The following ADAMTS12 variants were observed in gnomAD, a reference collection of about 807,000 sequenced individuals.
ADAMTS12 encodes the protein ADAM metallopeptidase with thrombospondin type 1 motif 12.
In ADAMTS12, 118 loss-of-function variants were observed where a neutral mutation model predicts 167.8. The observed-to-expected ratio is 0.70, with a 90% CI of 0.61 to 0.82. The LOEUF (loss-of-function observed/expected upper bound fraction) is 0.82, where lower values mean the gene tolerates loss of function less well. ADAMTS12 is among the 40% of genes least tolerant of loss of function. ADAMTS12 has a pLI of 0.00. For synonymous variants in ADAMTS12, 704 were observed against 716.9 expected, an observed-to-expected ratio of 0.98 and a Z score of 0.29; for missense variants, 1,916 against 1,998.8, an observed-to-expected ratio of 0.96 and a Z score of 0.79.
At chr5:33,666,098 C>T (rs974782502) in intron 5 of ADAMTS12, among the ~76,000 whole-genome samples, 1 of 152,252 alleles carries the variant, frequency 6.6e-6, no homozygotes, top group Non-Finnish European at 1.5e-5. Context: ...GTCCTGCTCC[C>T]ACACTGTGGA....
At chr5:33,768,787 A>T (rs1745638484) in intron 2 of ADAMTS12, among the ~76,000 whole-genome samples, 1 of 152,164 alleles carries the variant, frequency 6.6e-6, no homozygotes, top group South Asian at 2.1e-4. Flanking sequence ...ATATTGTTAC[A>T]TATCAAAATG....
At chr5:33,592,199 A>G (rs1484843013) in intron 17 of ADAMTS12, among the ~76,000 whole-genome samples, 1 of 152,144 alleles carries the variant, frequency 6.6e-6, no homozygotes, top group African/African-American at 2.4e-5. Flanking sequence ...ATTGCACTCC[A>G]GCCCGGGCAA....
chr5:33,546,028 A>G, intron 22 of ADAMTS12, 31 bp downstream of exon 22: 2 of 1,572,778 alleles, frequency 1.3e-6, no homozygotes, highest in South Asian at 1.2e-5. Context: ...AAAAAGCTAA[A>G]GTAAAAAAAG....
intron 19 of ADAMTS12, among the ~76,000 whole-genome samples, chr5:33,562,152 G>A (rs980279363): frequency 9.2e-5 from 14 of 152,116 alleles, no homozygotes; most frequent in African/African-American, 1.9e-4. Context: ...GAGGGGAGGC[G>A]ATTGTGCCTT....
At chr5:33,830,593 A>T (rs58188456) in intron 2 of ADAMTS12, among the ~76,000 whole-genome samples, 45 of 152,306 alleles carry the variant, frequency 3.0e-4, no homozygotes, top group African/African-American at 1.0e-3. Context: ...GTTCAAGAGC[A>T]GCCTGGGCAA....
At chr5:33,778,925 G>A (rs572778831) in intron 2 of ADAMTS12, among the ~76,000 whole-genome samples, 1 of 152,078 alleles carries the variant, frequency 6.6e-6, no homozygotes, top group South Asian at 2.1e-4. Context: ...CTAACCATCA[G>A]GAAAATGCAA....
intron 18 of ADAMTS12, among the ~76,000 whole-genome samples, chr5:33,583,087 T>A (rs1747152947): frequency 2.4e-5 from 1 of 41,970 alleles, no homozygotes; most frequent in South Asian, 8.1e-4. Flanking sequence ...TCTTATTCAT[T>A]CTTTCTATTT....
At chr5:33,828,891 G>A (rs944850524) in intron 2 of ADAMTS12, among the ~76,000 whole-genome samples, 11 of 152,148 alleles carry the variant, frequency 7.2e-5, no homozygotes, top group East Asian at 3.9e-4. Flanking sequence ...ATCCTCTTTC[G>A]CCCCTGTGTT....
intron 2 of ADAMTS12, among the ~76,000 whole-genome samples, chr5:33,771,687 T>C (rs1021189116): frequency 2.0e-5 from 3 of 152,128 alleles, no homozygotes; most frequent in Non-Finnish European, 2.9e-5. Flanking sequence ...ATTATACACA[T>C]AGAAATGGTT....
chr5:33,534,750 T>C, intron 23 of ADAMTS12, 83 bp downstream of exon 23: 4 of 1,491,654 alleles, frequency 2.7e-6, no homozygotes, highest in South Asian at 2.8e-5. Context: ...GTAAAAGAAA[T>C]GTAAAGCTAT....
intron 3 of ADAMTS12, among the ~76,000 whole-genome samples, chr5:33,735,128 C>G (rs1194451396): frequency 6.6e-6 from 1 of 152,174 alleles, no homozygotes; most frequent in Non-Finnish European, 1.5e-5. Context: ...TTCTCCCAAC[C>G]CTTACTGATG....
At chr5:33,890,629 G>T (rs765267143) in intron 1 of ADAMTS12, among the ~76,000 whole-genome samples, 1 of 152,222 alleles carries the variant, frequency 6.6e-6, no homozygotes, top group African/African-American at 2.4e-5. Context: ...CACTTCCCGA[G>T]GCTTCAGCAC....
chr5:33,755,845 A>G (rs1745149555), intron 2 of ADAMTS12, among the ~76,000 whole-genome samples: 1 of 152,212 alleles, frequency 6.6e-6, no homozygotes, highest in African/African-American at 2.4e-5. Context: ...TTGTAGTGAC[A>G]AAGACAACAC....
rs149498900 is a variant in ADAMTS12 at position 33,681,210 on chromosome 5, C to T, written c.915+1808G>A. On this transcript the variant is annotated intron_variant, in intron 5 of 23. Transcript: ENST00000504830. Reference sequence around the variant, plus strand: ...TAGGTTTTAGGTGACAAAGGGAGACCGGGTTACAGGGGAAAGAAGAAAAAA... The same window carrying T: ...TAGGTTTTAGGTGACAAAGGGAGACTGGGTTACAGGGGAAAGAAGAAAAAA... Among the ~76,000 whole-genome samples the T allele has an allele frequency of 3.8e-4, 58 of 152,090 alleles. No homozygotes were observed. The East Asian group carries it at 7.5e-3, about 20-fold the overall frequency.
intron 15 of ADAMTS12, among the ~76,000 whole-genome samples, chr5:33,615,180 C>T: frequency 6.6e-6 from 1 of 152,140 alleles, no homozygotes. Flanking sequence ...AGCAAAGTCT[C>T]CCGACACTCA....
intron 2 of ADAMTS12, among the ~76,000 whole-genome samples, chr5:33,857,830 T>C (rs540267733): frequency 6.6e-5 from 10 of 152,356 alleles, no homozygotes; most frequent in Non-Finnish European, 1.0e-4. Flanking sequence ...CAAATGTATA[T>C]GCATCAAACA....
chr5:33,636,571 C>T (rs138304467), intron 12 of ADAMTS12, among the ~76,000 whole-genome samples: 26 of 152,280 alleles, frequency 1.7e-4, no homozygotes, highest in African/African-American at 5.8e-4. Flanking sequence ...CAAACCACTG[C>T]AGAGTCTTTC....
intron 2 of ADAMTS12, among the ~76,000 whole-genome samples, chr5:33,789,123 C>T (rs776959629): frequency 2.0e-5 from 3 of 152,150 alleles, no homozygotes; most frequent in African/African-American, 4.8e-5. Context: ...TATGAGAACA[C>T]GGGAGGTTTC....
chr5:33,600,385 G>A (rs2113042), intron 16 of ADAMTS12, among the ~76,000 whole-genome samples: 78,133 of 151,830 alleles, frequency 0.51, 20,493 homozygotes, highest in South Asian at 0.64. Flanking sequence ...TGTTCCTTAC[G>A]TCTAAAAGAA....
Sources: allele counts gnomAD v4.1 joint callset (sites outside exome capture counted in the v4.1 genomes callset), GRCh38; gene constraint gnomAD v4.1.1; transcripts MANE v1.5; gene names NCBI Gene and HGNC (gene_info 2026-07-23, HGNC 2026-07-21).